Variants in GATA4 observed in about 807,000 individuals in gnomAD.
The protein encoded by GATA4 is GATA binding protein 4.
Under a neutral mutation model 37.9 loss-of-function variants are expected in GATA4, and 7 were observed. The ratio of observed to expected loss-of-function variants is 0.18; its 90% CI spans 0.11 to 0.35. The LOEUF (loss-of-function observed/expected upper bound fraction) is 0.35. GATA4 is among the 10% of genes least tolerant of loss of function. The probability of loss-of-function intolerance (pLI) is 1.00; values close to 1 mark genes in which losing one functional copy is unlikely to be tolerated. For missense variants in GATA4, 647 were observed against 653.0 expected (o/e 0.99, Z 0.10); for synonymous variants, 372 against 292.6 (o/e 1.27, Z -2.77).
chr8:11,677,434 G>C (rs975398866), intron 1 of GATA4, among the ~76,000 whole-genome samples: 1 of 152,184 alleles, frequency 6.6e-6, no homozygotes, highest in Admixed American at 6.5e-5. Flanking sequence ...TGGTGTCTCA[G>C]GAAAAACCTA....
upstream of GATA4, among the ~76,000 whole-genome samples, chr8:11,692,241 C>G (rs1217568693): frequency 3.9e-5 from 6 of 152,190 alleles, no homozygotes; most frequent in Non-Finnish European, 8.8e-5. Flanking sequence ...CTGGGGGAAA[C>G]TGAGCGCAGG....
At chr8:11,694,565 G>C in intron 1 of GATA4, 2 of 962,290 alleles carry the variant, frequency 2.1e-6, no homozygotes, top group African/African-American at 3.5e-5. Flanking sequence ...GTGAGGGACA[G>C]AGAAGATCAT....
intron 2 of GATA4, among the ~76,000 whole-genome samples, chr8:11,747,179 G>C (rs1019668330): frequency 7.9e-5 from 12 of 152,240 alleles, no homozygotes; most frequent in African/African-American, 2.4e-4. Context: ...AGAATCTGGA[G>C]ACCAAGGTAG....
chr8:11,682,684 G>A (rs1443621926), intron 1 of GATA4, among the ~76,000 whole-genome samples: 1 of 152,198 alleles, frequency 6.6e-6, no homozygotes, highest in Non-Finnish European at 1.5e-5. Context: ...AAATTCAGAA[G>A]GAAGATGTGA....
At chr8:11,741,914 G>A (rs1244724457) in intron 2 of GATA4, among the ~76,000 whole-genome samples, 1 of 152,220 alleles carries the variant, frequency 6.6e-6, no homozygotes, top group African/African-American at 2.4e-5. Context: ...GTCAGGGATG[G>A]CCAAGGCATC....
chr8:11,745,657 CAAT>C (rs1455957008), intron 2 of GATA4, among the ~76,000 whole-genome samples: 1 of 151,966 alleles, frequency 6.6e-6, no homozygotes, highest in African/African-American at 2.4e-5. Flanking sequence ...GCATATAAAA[CAAT>C]AATTGTGAGG....
chr8:11,741,792 C>G (rs1235716268), intron 2 of GATA4, among the ~76,000 whole-genome samples: 1 of 152,210 alleles, frequency 6.6e-6, no homozygotes, highest in African/African-American at 2.4e-5. Flanking sequence ...TGAGATCAGA[C>G]AAGATGGGAA....
chr8:11,692,686 G>A (rs1463749028), intron 1 of GATA4: 38 of 985,072 alleles, frequency 3.9e-5, no homozygotes, highest in Non-Finnish European at 4.5e-5. Context: ...CGGGGGTGAG[G>A]GGTGCGGGGC....
chr8:11,707,244 G>C lies in GATA4; in HGVS notation c.-457-612G>C, dbSNP rs947648704. Among the ~76,000 whole-genome samples, 1 of 151,850 alleles carries C rather than the reference G, an allele frequency of 6.6e-6. No homozygotes were observed. The highest frequency in any genetic ancestry group is 2.4e-5 in the African/African-American group (1 of 41,342). ...GTCCACATGGTTAGTGTATGGATGAGGGTTTCAGAACCCTCTTCAGGAGGC... is the reference window on the plus strand; with the variant it reads ...GTCCACATGGTTAGTGTATGGATGACGGTTTCAGAACCCTCTTCAGGAGGC... On this transcript the variant is annotated intron_variant, in intron 1 of 6. Coordinates refer to ENST00000532059, the MANE Select transcript of GATA4 (RefSeq NM_001308093.3). This position sits in a 1 kb window ranked among gnomAD's most constrained non-coding sequence, Gnocchi z 4.7.
intron 2 of GATA4, among the ~76,000 whole-genome samples, chr8:11,717,301 G>T (rs778017421): frequency 2.0e-5 from 3 of 152,168 alleles, no homozygotes; most frequent in Non-Finnish European, 4.4e-5. Context: ...TTCACGTTTG[G>T]ATACTGGCTA....
chr8:11,693,562 C>CACAGAGAGAGAGAGAG (rs1405047773), intron 1 of GATA4, among the ~76,000 whole-genome samples: 10 of 72,228 alleles, frequency 1.4e-4, no homozygotes, highest in South Asian at 1.4e-3. Flanking sequence ...CACACACACA[C>CACAGAGAGAGAGAGAG]AGAGAGAGAG....
intron 1 of GATA4, among the ~76,000 whole-genome samples, chr8:11,693,513 T>G (rs1799393752): frequency 1.6e-5 from 2 of 127,286 alleles, no homozygotes; most frequent in Non-Finnish European, 3.3e-5. Context: ...AGAGGATTGA[T>G]TCAGCACAAA....
At chr8:11,736,715 A>C (rs1006655198) in intron 2 of GATA4, among the ~76,000 whole-genome samples, 10 of 152,220 alleles carry the variant, frequency 6.6e-5, no homozygotes, top group African/African-American at 2.4e-4. Context: ...TTTTCTTTGA[A>C]GAAAGAGTTC....
chr8:11,730,213 C>T (rs564202558), intron 2 of GATA4, among the ~76,000 whole-genome samples: 1 of 152,310 alleles, frequency 6.6e-6, no homozygotes, highest in East Asian at 1.9e-4. Flanking sequence ...CGTGCCTGGC[C>T]TCAGTGAGTG....
In GATA4 at chr8:11,748,908, C is replaced by A; in HGVS notation, c.617-8C>A. ...TGTGTCTTTTCTTGTCTGTTCCCCC[C>A]AACTCAGTAGATATGTTTGACGACT... On this transcript the variant is annotated splice_region_variant and splice_polypyrimidine_tract_variant and intron_variant, in intron 2 of 6. Coordinates refer to ENST00000532059, the MANE Select transcript of GATA4 (RefSeq NM_001308093.3). 1 of 1,614,194 alleles carries A rather than the reference C, an allele frequency of 6.2e-7. No homozygotes were observed. The highest frequency in any genetic ancestry group is 8.5e-7 in the Non-Finnish European group (1 of 1,179,998).
chr8:11,724,344 GC>G (rs963827033), intron 2 of GATA4, among the ~76,000 whole-genome samples: 89 of 152,268 alleles, frequency 5.8e-4, no homozygotes, highest in African/African-American at 1.8e-3. Context: ...AAGCGGCATT[GC>G]TGGATCCTAG....
intron 1 of GATA4, among the ~76,000 whole-genome samples, chr8:11,678,768 AT>A (rs1266626745): frequency 2.6e-5 from 4 of 151,812 alleles, no homozygotes; most frequent in East Asian, 1.9e-4. Flanking sequence ...TTTATGAACT[AT>A]TTTTTTTCAG....
intron 1 of GATA4, among the ~76,000 whole-genome samples, chr8:11,685,479 T>C (rs1258397575): frequency 6.6e-6 from 1 of 152,242 alleles, no homozygotes; most frequent in Non-Finnish European, 1.5e-5. Context: ...TCTTCAGGCT[T>C]CCTACGATGT....
At chr8:11,725,188 A>C (rs1056560972) in intron 2 of GATA4, among the ~76,000 whole-genome samples, 5 of 152,244 alleles carry the variant, frequency 3.3e-5, no homozygotes, top group African/African-American at 1.2e-4. Context: ...CCCTGTAGCA[A>C]ATGGGATCCG....
Sources: gnomAD v4.1 joint callset for allele counts (sites outside exome capture counted in the v4.1 genomes callset) on GRCh38, gnomAD v4.1.1 for gene constraint, Gnocchi (gnomAD v3.1) non-coding constraint, MANE v1.5 for transcripts, NCBI Gene and HGNC (gene_info 2026-07-23, HGNC 2026-07-21) for gene names.